PTPRD: variants seen among roughly 807,000 people sequenced by gnomAD.
PTPRD encodes the protein receptor-type tyrosine-protein phosphatase delta.
PTPRD carries 34 observed loss-of-function variants against 214.5 expected under a neutral mutation model. That is an observed-to-expected ratio of 0.16 (90% CI 0.12 to 0.21). The LOEUF (loss-of-function observed/expected upper bound fraction) is 0.21. Among genes scored for constraint, PTPRD ranks in the 10% least tolerant of loss-of-function variants. The pLI, the probability that PTPRD is intolerant of heterozygous loss-of-function variation, is 1.00. For missense variants in PTPRD, 2,545 were observed against 2,398.7 expected (o/e 1.06, Z -1.27); for synonymous variants, 1,128 against 845.7 (o/e 1.33, Z -5.79).
chr9:8,556,615 T>TTC (rs2083856205), intron 14 of PTPRD, among the ~76,000 whole-genome samples: 1 of 152,166 alleles, frequency 6.6e-6, no homozygotes, highest in African/African-American at 2.4e-5. Flanking sequence ...AACCACACAT[T>TTC]TCTTTCCTAT....
intron 9 of PTPRD, among the ~76,000 whole-genome samples, chr9:9,349,240 A>C (rs2050148449): frequency 6.6e-6 from 1 of 152,132 alleles, no homozygotes; most frequent in Non-Finnish European, 1.5e-5. Flanking sequence ...CTTAACATAG[A>C]ATGGCAAGAA....
At chr9:10,148,313 T>C (rs973952285) in intron 3 of PTPRD, among the ~76,000 whole-genome samples, 2 of 152,234 alleles carry the variant, frequency 1.3e-5, no homozygotes, top group Admixed American at 1.3e-4. Flanking sequence ...CTATTAATAA[T>C]CATTTATTCA....
intron 9 of PTPRD, among the ~76,000 whole-genome samples, chr9:9,202,496 C>T (rs114365018): frequency 1.3e-5 from 2 of 152,064 alleles, no homozygotes; most frequent in Non-Finnish European, 2.9e-5. Context: ...AAAACTGTCA[C>T]AAGTTATTAG....
chr9:8,458,664 G>T (rs1591074290), intron 33 of PTPRD, among the ~76,000 whole-genome samples: 1 of 152,072 alleles, frequency 6.6e-6, no homozygotes, highest in Non-Finnish European at 1.5e-5. Context: ...CTCAAACAGG[G>T]TCTATGATTA....
At chr9:10,036,863 T>G (rs1365653521) in intron 3 of PTPRD, among the ~76,000 whole-genome samples, 3 of 150,902 alleles carry the variant, frequency 2.0e-5, no homozygotes, top group Non-Finnish European at 4.4e-5. Context: ...ATTACAGGCC[T>G]GAGCCAAATT....
intron 11 of PTPRD, among the ~76,000 whole-genome samples, chr9:8,901,290 G>T (rs1308337832): frequency 6.6e-6 from 1 of 152,082 alleles, no homozygotes; most frequent in Non-Finnish European, 1.5e-5. Context: ...CACCTAAACT[G>T]GCTGGGAAAA....
intron 4 of PTPRD, among the ~76,000 whole-genome samples, chr9:9,963,621 A>G (rs1018034399): frequency 5.3e-5 from 8 of 152,178 alleles, no homozygotes; most frequent in African/African-American, 1.9e-4. Flanking sequence ...CAGTCAAACA[A>G]CAAAATTTGG....
intron 7 of PTPRD, among the ~76,000 whole-genome samples, chr9:9,727,855 G>C (rs547933142): frequency 1.3e-5 from 2 of 152,240 alleles, no homozygotes; most frequent in South Asian, 4.1e-4. Flanking sequence ...TCCACATGTA[G>C]GAATTCTGAT....
intron 36 of PTPRD, among the ~76,000 whole-genome samples, chr9:8,402,067 T>C (rs1233174423): frequency 1.3e-5 from 2 of 152,192 alleles, no homozygotes; most frequent in South Asian, 2.1e-4. Flanking sequence ...TACAGGATGA[T>C]TGACTGCCCT....
At chr9:8,324,173 A>C (rs1831233693) in intron 44 of PTPRD, among the ~76,000 whole-genome samples, 1 of 151,696 alleles carries the variant, frequency 6.6e-6, no homozygotes, top group Admixed American at 6.6e-5. Flanking sequence ...CATAGGTATA[A>C]ATGCACCAGG....
intron 2 of PTPRD, among the ~76,000 whole-genome samples, chr9:10,589,173 C>A (rs535350312): frequency 2.0e-5 from 3 of 152,002 alleles, no homozygotes; most frequent in Non-Finnish European, 4.4e-5. Flanking sequence ...GGAATCCTCA[C>A]ATTAACCTAT....
intron 8 of PTPRD, among the ~76,000 whole-genome samples, chr9:9,507,733 T>G (rs1271354935): frequency 6.6e-6 from 1 of 151,444 alleles, no homozygotes; most frequent in Non-Finnish European, 1.5e-5. Context: ...TGTAAATAAC[T>G]CTAATCTTAG....
At chr9:9,837,745 C>T (rs541543752) in intron 5 of PTPRD, among the ~76,000 whole-genome samples, 10 of 151,402 alleles carry the variant, frequency 6.6e-5, no homozygotes, top group African/African-American at 2.4e-4. Context: ...TGTTCTCTGT[C>T]CTTGCTGCAT....
chr9:10,306,287 T>G, intron 3 of PTPRD, among the ~76,000 whole-genome samples: 2 of 129,914 alleles, frequency 1.5e-5, no homozygotes, highest in Admixed American at 8.0e-5. Flanking sequence ...TGGGGGGGGC[T>G]AGGGGAGGGA....
At chr9:10,379,583 A>G (rs571929959) in intron 2 of PTPRD, among the ~76,000 whole-genome samples, 1 of 152,182 alleles carries the variant, frequency 6.6e-6, no homozygotes, top group Admixed American at 6.6e-5. Flanking sequence ...CTAGCATGAA[A>G]TTCTACTGTA....
chr9:10,107,229 C>G (rs544552880), intron 3 of PTPRD, among the ~76,000 whole-genome samples: 25 of 151,966 alleles, frequency 1.6e-4, no homozygotes, highest in Non-Finnish European at 1.2e-4. Context: ...TATGCACACA[C>G]ACTCTCTTAG....
intron 2 of PTPRD, among the ~76,000 whole-genome samples, chr9:10,487,966 GTCTCTCTCTCTCTCTC>G (rs56372955): frequency 9.1e-6 from 1 of 110,270 alleles, no homozygotes; most frequent in Non-Finnish European, 1.8e-5. Context: ...AATGAACACA[GTCTCTCTCTCTCTCTC>G]TCTCTCTCTC....
intron 4 of PTPRD, among the ~76,000 whole-genome samples, chr9:9,971,989 T>A (rs941906389): frequency 6.6e-5 from 10 of 152,190 alleles, no homozygotes; most frequent in African/African-American, 1.9e-4. Context: ...ACTGAATTTT[T>A]AAAAATATAT....
chr9:10,360,918 C>T (rs868256021), intron 2 of PTPRD, among the ~76,000 whole-genome samples: 6 of 151,998 alleles, frequency 3.9e-5, no homozygotes, highest in Admixed American at 6.6e-5. Context: ...CTGGCTAACA[C>T]GATGAAACCC....
Sources: allele counts gnomAD v4.1 joint callset (sites outside exome capture counted in the v4.1 genomes callset), GRCh38; gene constraint gnomAD v4.1.1; transcripts MANE v1.5; gene names NCBI Gene and HGNC (gene_info 2026-07-23, HGNC 2026-07-21).